PAX5: variants seen among roughly 807,000 people sequenced by gnomAD.
PAX5 encodes paired box 5.
A neutral mutation model predicts 43.7 loss-of-function variants in PAX5; 9 were observed. The ratio of observed to expected loss-of-function variants is 0.21; its 90% CI spans 0.12 to 0.36. The LOEUF (loss-of-function observed/expected upper bound fraction) is 0.36, where lower values mean the gene tolerates loss of function less well. Ranked by LOEUF, PAX5 falls within the 10% of genes least tolerant of loss-of-function variation. The pLI is 1.00. For missense variants in PAX5, 383 were observed against 532.7 expected (o/e 0.72, Z 2.77); for synonymous variants, 228 against 214.3 (o/e 1.06, Z -0.56).
rs757325070 is a variant in PAX5, at chr9:36,853,487, G to A, written c.1013-6558C>T. ...TAGAGCTCTGAGGTTAGCACTGACAGCCCCAAACCCCAATGGGTGAAAGAG... is the reference window on the plus strand; with the variant it reads ...TAGAGCTCTGAGGTTAGCACTGACAACCCCAAACCCCAATGGGTGAAAGAG... On this transcript the variant is annotated intron_variant, in intron 8 of 9. Transcript: ENST00000358127. 1.4e-4 allele frequency among the ~76,000 whole-genome samples: 22 copies of A among 152,120 alleles called. No homozygotes were observed. The East Asian group carries it at 3.9e-3, about 27-fold the overall frequency.
chr9:37,002,950 C>G, intron 4 of PAX5, 174 bp from the exon 5 acceptor site: 1 of 698,422 alleles, frequency 1.4e-6, no homozygotes, highest in South Asian at 2.0e-5. Flanking sequence ...GCGCAGGCCT[C>G]GGGCGGGCCG....
Position 37,034,098 on chromosome 9 carries a change from C to CTTTCTTTTTTTTTTTTTTTTTTTTTT in PAX5, c.-68_-67insAAAAAAAAAAAAAAAAAAAAAAGAAA, listed in dbSNP as rs1841297179. 8.2e-6 allele frequency: 2 copies of CTTTCTTTTTTTTTTTTTTTTTTTTTT among 242,536 alleles called. No individual in the cohort carries two copies. Among genetic ancestry groups the CTTTCTTTTTTTTTTTTTTTTTTTTTT allele is most frequent in the African/African-American group, 9.6e-5 (2 of 20,766 alleles). 15.0% of individuals were successfully genotyped at this position (242,536 alleles called of 1,614,324 possible). A position where few individuals can be genotyped will look rare whatever the true frequency, so the allele number is the denominator to read the frequency against. ...TCCACTTTTTTGTGCCTTTTTTTTTCTTTTTTTTTTTTTTTTTTTTTTTTT... is the reference window on the plus strand; with the variant it reads ...TCCACTTTTTTGTGCCTTTTTTTTTCTTTCTTTTTTTTTTTTTTTTTTTTTTTTTTTTTTTTTTTTTTTTTTTTTTT... On this transcript the variant is annotated 5_prime_UTR_variant, in exon 1 of 10. Coordinates refer to ENST00000358127, the MANE Select transcript of PAX5 (RefSeq NM_016734.3).
chr9:37,014,894 G>T, intron 3 of PAX5, 103 bp downstream of exon 3: 2 of 1,068,568 alleles, frequency 1.9e-6, no homozygotes, highest in Non-Finnish European at 2.8e-6. Context: ...AAGGGGCCTT[G>T]GTGAAAAAAG....
intron 8 of PAX5, among the ~76,000 whole-genome samples, chr9:36,861,899 G>C (rs1824255486): frequency 6.6e-6 from 1 of 152,164 alleles, no homozygotes; most frequent in Non-Finnish European, 1.5e-5. Context: ...ACTGGCAATG[G>C]GGAGACCAGG....
At chr9:37,029,351 C>T (rs1001091730) in intron 1 of PAX5, among the ~76,000 whole-genome samples, 1 of 152,334 alleles carries the variant, frequency 6.6e-6, no homozygotes, top group East Asian at 1.9e-4. Flanking sequence ...CTGTCCCTGA[C>T]CAGTAGACAA....
intron 6 of PAX5, among the ~76,000 whole-genome samples, chr9:36,956,233 G>T (rs955366355): frequency 3.3e-5 from 5 of 152,260 alleles, no homozygotes; most frequent in Non-Finnish European, 7.4e-5. Context: ...AAATTTCTTG[G>T]ATGAATGAAT....
intron 5 of PAX5, among the ~76,000 whole-genome samples, chr9:36,985,892 C>A (rs1382621394): frequency 6.6e-6 from 1 of 152,246 alleles, no homozygotes; most frequent in Non-Finnish European, 1.5e-5. Context: ...AGATCAGAAC[C>A]CCCACTCAGG....
chr9:36,853,254 C>A (rs1823341049), intron 8 of PAX5, among the ~76,000 whole-genome samples: 1 of 152,142 alleles, frequency 6.6e-6, no homozygotes, highest in Non-Finnish European at 1.5e-5. Flanking sequence ...AAAATTTACA[C>A]ATAATGAAAC....
chr9:36,919,256 G>GA (rs955082303), intron 7 of PAX5, among the ~76,000 whole-genome samples: 64 of 144,732 alleles, frequency 4.4e-4, no homozygotes, highest in East Asian at 6.0e-4. Flanking sequence ...CTACTGCTCA[G>GA]AAAAAAAAAA....
chr9:36,855,411 G>C (rs1011024748), intron 8 of PAX5, among the ~76,000 whole-genome samples: 1 of 152,188 alleles, frequency 6.6e-6, no homozygotes, highest in Non-Finnish European at 1.5e-5. Context: ...GAACAACACT[G>C]GTCCAAGTTT....
intron 7 of PAX5, among the ~76,000 whole-genome samples, chr9:36,915,883 G>C (rs1384049499): frequency 6.6e-6 from 1 of 151,884 alleles, no homozygotes; most frequent in South Asian, 2.1e-4. Flanking sequence ...ACCAGCCTGG[G>C]CAACATAGGG....
intron 5 of PAX5, among the ~76,000 whole-genome samples, chr9:36,990,353 G>C (rs747367492): frequency 6.6e-6 from 1 of 152,190 alleles, no homozygotes; most frequent in Non-Finnish European, 1.5e-5. Context: ...ACAGGACAGA[G>C]CATGTGGTGT....
rs1839338278 is a variant in PAX5 at position 37,015,824 on chromosome 9, C to A, written c.213-630G>T. Among the ~76,000 whole-genome samples the A allele has an allele frequency of 6.6e-6, 1 of 152,218 alleles. No homozygotes were observed. The highest frequency in any genetic ancestry group is 1.5e-5 in the Non-Finnish European group (1 of 68,040). On this transcript the variant is annotated intron_variant, in intron 2 of 9. Coordinates refer to ENST00000358127, the MANE Select transcript of PAX5 (RefSeq NM_016734.3). This position sits in a 1 kb window ranked among gnomAD's most constrained non-coding sequence, Gnocchi z 4.4. ...CGAACTCCCGACCTCAGGTTATCCGCCTGCCTCGGCCTCCCAAAGTGCTGG... is the reference window on the plus strand; with the variant it reads ...CGAACTCCCGACCTCAGGTTATCCGACTGCCTCGGCCTCCCAAAGTGCTGG...
intron 8 of PAX5, among the ~76,000 whole-genome samples, chr9:36,867,531 G>A (rs140543703): frequency 3.4e-4 from 52 of 152,074 alleles, no homozygotes; most frequent in Non-Finnish European, 6.2e-4. Context: ...GCAAAGCTCC[G>A]TCCAGGTGGG....
intron 8 of PAX5, among the ~76,000 whole-genome samples, chr9:36,848,195 C>T (rs1048306762): frequency 5.3e-5 from 8 of 152,102 alleles, no homozygotes; most frequent in Non-Finnish European, 8.8e-5. Flanking sequence ...GGACCAAGAG[C>T]CTGCTCTCTC....
intron 8 of PAX5, among the ~76,000 whole-genome samples, chr9:36,866,001 G>A (rs1824838239): frequency 6.6e-6 from 1 of 152,198 alleles, no homozygotes; most frequent in Non-Finnish European, 1.5e-5. Flanking sequence ...GGGAACCACT[G>A]GCAGTCCTCC....
chr9:37,002,252 C>A (rs982095759), intron 5 of PAX5, among the ~76,000 whole-genome samples: 3 of 152,172 alleles, frequency 2.0e-5, no homozygotes, highest in South Asian at 2.1e-4. Flanking sequence ...GTTTGGCCAG[C>A]CCCCTCTCTC....
At chr9:36,844,052 A>G (rs1822335723) in intron 9 of PAX5, among the ~76,000 whole-genome samples, 1 of 152,068 alleles carries the variant, frequency 6.6e-6, no homozygotes, top group South Asian at 2.1e-4. Context: ...TAATAAATTC[A>G]TTTTCTGCTT....
intron 5 of PAX5, among the ~76,000 whole-genome samples, chr9:36,990,609 G>A (rs1836848391): frequency 6.6e-6 from 1 of 152,242 alleles, no homozygotes; most frequent in East Asian, 1.9e-4. Flanking sequence ...TACAGCAATA[G>A]TCCAAATGAG....
Sources: allele counts gnomAD v4.1 joint callset (sites outside exome capture counted in the v4.1 genomes callset), GRCh38; gene constraint gnomAD v4.1.1; non-coding constraint Gnocchi (gnomAD v3.1); transcripts MANE v1.5; gene names NCBI Gene and HGNC (gene_info 2026-07-23, HGNC 2026-07-21).